The following RANBP17 variants were observed in gnomAD, a reference collection of about 807,000 sequenced individuals.
RANBP17 encodes ran-binding protein 17.
Under a neutral mutation model 141.2 loss-of-function variants are expected in RANBP17, and 158 were observed. The ratio of observed to expected loss-of-function variants is 1.12; its 90% CI spans 0.98 to 1.28. RANBP17 has a LOEUF of 1.28. Among genes scored for constraint, RANBP17 ranks in the 50% most tolerant of loss-of-function variants. The pLI, the probability that RANBP17 is intolerant of heterozygous loss-of-function variation, is 0.00. For missense variants in RANBP17, 1,438 were observed against 1,290.7 expected, an observed-to-expected ratio of 1.11 and a Z score of -1.75; for synonymous variants, 430 against 450.0, an observed-to-expected ratio of 0.96 and a Z score of 0.56.
At chr5:170,898,335 A>G (rs1057268500) in intron 5 of RANBP17, among the ~76,000 whole-genome samples, 3 of 152,092 alleles carry the variant, frequency 2.0e-5, no homozygotes, top group Non-Finnish European at 4.4e-5. Flanking sequence ...TCGTCTTTTC[A>G]GAAGTGTCTG....
intron 3 of RANBP17, among the ~76,000 whole-genome samples, chr5:170,883,083 A>G (rs1385141828): frequency 6.6e-6 from 1 of 152,154 alleles, no homozygotes; most frequent in African/African-American, 2.4e-5. Context: ...ATTGACTGTT[A>G]TTTTTATAAG....
chr5:170,970,416 G>T (rs1049723428), intron 14 of RANBP17: 2 of 151,816 alleles, frequency 1.3e-5, no homozygotes, highest in African/African-American at 4.8e-5. Context: ...ATCTCTTTTC[G>T]GCATATGTCA....
Position 171,112,589 on chromosome 5 carries a change from C to G in RANBP17, c.1711-57541C>G, listed in dbSNP as rs143309326. Among the ~76,000 whole-genome samples the G allele has an allele frequency of 1.9e-3, 288 of 151,996 alleles. 1 individual carries two copies. The highest frequency in any genetic ancestry group is 6.1e-3 in the African/African-American group (255 of 41,500). ...GTCACCAGACTCATGAAAAAGGAAA[C>G]ACTGATTGACGGATCTGGTAAAGGA... On this transcript the variant is annotated intron_variant, in intron 14 of 27. Transcript: ENST00000523189.
intron 21 of RANBP17, 53 bp from the exon 22 acceptor site, chr5:171,221,703 CTG>C (rs1384806049): frequency 3.3e-5 from 32 of 962,940 alleles, no homozygotes; most frequent in South Asian, 5.4e-5. Flanking sequence ...CATTTTAAAT[CTG>C]TGTTTGGTTT....
At chr5:170,973,893 T>G (rs1777171401) in intron 14 of RANBP17, among the ~76,000 whole-genome samples, 1 of 152,180 alleles carries the variant, frequency 6.6e-6, no homozygotes, top group African/African-American at 2.4e-5. Context: ...GACACTAGTC[T>G]CATCCATGAG....
rs909854996 is a variant in RANBP17 at position 171,029,409 on chromosome 5, C to T, written c.1710+61032C>T. Reference sequence around the variant, plus strand: ...CCTAGAATATATGATCTTATACCTTCGTAATTTTAATAACGTTTGATTATG... The same window carrying T: ...CCTAGAATATATGATCTTATACCTTTGTAATTTTAATAACGTTTGATTATG... On this transcript the variant is annotated intron_variant, in intron 14 of 27. Transcript: ENST00000523189. Among the ~76,000 whole-genome samples, 4 of 152,066 alleles carry T rather than the reference C, an allele frequency of 2.6e-5. No individual in the cohort carries two copies. In the East Asian group the frequency reaches 5.8e-4, roughly 22 times the overall value.
chr5:171,090,632 A>G (rs1157492329), intron 14 of RANBP17, among the ~76,000 whole-genome samples: 2 of 149,140 alleles, frequency 1.3e-5, no homozygotes, highest in East Asian at 4.1e-4. Flanking sequence ...AGCTGCTCTC[A>G]TCAAGCCCAG....
At chr5:171,193,839 G>C (rs569739800) in intron 18 of RANBP17, among the ~76,000 whole-genome samples, 1 of 152,286 alleles carries the variant, frequency 6.6e-6, no homozygotes, top group African/African-American at 2.4e-5. Context: ...CTGTTTTAAA[G>C]TCAGTTGATT....
At chr5:171,292,380 T>C (rs558427697) in intron 25 of RANBP17, among the ~76,000 whole-genome samples, 82 of 152,390 alleles carry the variant, frequency 5.4e-4, no homozygotes, top group African/African-American at 1.7e-3. Context: ...ATGCATTTTA[T>C]GTACACTATC....
intron 1 of RANBP17, among the ~76,000 whole-genome samples, chr5:170,862,540 T>G (rs925435567): frequency 5.9e-5 from 9 of 152,104 alleles, no homozygotes; most frequent in Non-Finnish European, 1.2e-4. Flanking sequence ...GGGCTTGGGA[T>G]CCACCGAAGG....
intron 20 of RANBP17, among the ~76,000 whole-genome samples, chr5:171,213,095 T>C (rs981369274): frequency 6.6e-6 from 1 of 152,160 alleles, no homozygotes; most frequent in African/African-American, 2.4e-5. Flanking sequence ...AAAAGAGCAA[T>C]TCAACAATAT....
At chr5:171,069,227 A>G (rs898442115) in intron 14 of RANBP17, among the ~76,000 whole-genome samples, 4 of 152,062 alleles carry the variant, frequency 2.6e-5, no homozygotes, top group Admixed American at 6.6e-5. Context: ...CAAATATACA[A>G]CTCTGATTTT....
At chr5:171,178,226 G>T (rs1760639576) in intron 16 of RANBP17, among the ~76,000 whole-genome samples, 1 of 129,642 alleles carries the variant, frequency 7.7e-6, no homozygotes, top group South Asian at 2.5e-4. Context: ...CTGTGTCCAT[G>T]TGTTGTCATT....
chr5:171,063,535 G>C (rs984401031), intron 14 of RANBP17, among the ~76,000 whole-genome samples: 20 of 152,186 alleles, frequency 1.3e-4, no homozygotes, highest in Non-Finnish European at 1.6e-4. Context: ...TGTCTCAGAG[G>C]AGTACCCAGC....
chr5:170,966,570 A>G (rs1414436784), intron 13 of RANBP17, among the ~76,000 whole-genome samples: 4 of 152,120 alleles, frequency 2.6e-5, no homozygotes, highest in Middle Eastern at 3.2e-3. Context: ...ATCTATGACA[A>G]ACCCACAGCC....
intron 14 of RANBP17, among the ~76,000 whole-genome samples, chr5:171,031,885 TCTCAAGTTAATAGC>T (rs1781571022): frequency 6.6e-6 from 1 of 152,100 alleles, no homozygotes; most frequent in Non-Finnish European, 1.5e-5. Context: ...GCTACTAATG[TCTCAAGTTAATAGC>T]CACAGAATAT....
rs769943863 is a variant in RANBP17 at position 170,919,532 on chromosome 5, C to A, written c.1193C>A (p.Pro398His). The change falls in exon 11 of 28, where the codon CCC becomes CAC. Residue 398 changes from proline to histidine, a missense_variant. Physicochemically the swap from Pro to His is moderately conservative, Grantham distance 77. Coordinates refer to ENST00000523189, the MANE Select transcript of RANBP17 (RefSeq NM_022897.5). ...GTTCCTTTTGTGAAATCAACTGAAC[C>A]CCACCTATTAGACACTTATGCACCA... ...ASVPFVKSTE[P>H]HLLDTYAPEI... 1 of 1,611,726 alleles carries A rather than the reference C, an allele frequency of 6.2e-7. No homozygotes were observed. Among genetic ancestry groups the A allele is most frequent in the South Asian group, 1.1e-5 (1 of 90,748 alleles).
chr5:171,062,897 C>G (rs1484794123), intron 14 of RANBP17, among the ~76,000 whole-genome samples: 27 of 152,034 alleles, frequency 1.8e-4, no homozygotes, highest in Admixed American at 1.3e-4. Context: ...CTTCTCACTT[C>G]ATTTCATTCA....
chr5:170,908,289 T>C (rs1311709514), intron 5 of RANBP17, among the ~76,000 whole-genome samples: 1 of 151,692 alleles, frequency 6.6e-6, no homozygotes, highest in African/African-American at 2.4e-5. Flanking sequence ...TGACGGTGGA[T>C]TGGATAAAGA....
Sources: gnomAD v4.1 joint callset for allele counts (sites outside exome capture counted in the v4.1 genomes callset) on GRCh38, gnomAD v4.1.1 for gene constraint, MANE v1.5 for transcripts, NCBI Gene and HGNC (gene_info 2026-07-23, HGNC 2026-07-21) for gene names.